Variants in ARHGAP45 observed in about 807,000 individuals in gnomAD.
ARHGAP45 encodes Rho GTPase activating protein 45.
Under a neutral mutation model 116.1 loss-of-function variants are expected in ARHGAP45, and 56 were observed. The ratio of observed to expected loss-of-function variants is 0.48; its 90% CI spans 0.39 to 0.60. ARHGAP45 has a LOEUF of 0.60. Ranked by LOEUF, ARHGAP45 falls within the 20% of genes least tolerant of loss-of-function variation. ARHGAP45 has a pLI of 0.00. For missense variants in ARHGAP45, 1,622 were observed against 1,601.0 expected, an observed-to-expected ratio of 1.01 and a Z score of -0.22; for synonymous variants, 866 against 701.7, an observed-to-expected ratio of 1.23 and a Z score of -3.70.
In ARHGAP45 at chr19:1,069,545, C is replaced by CCAGGG. The variant is rs1303906135; in HGVS notation, c.421+810_421+814dup. Among the ~76,000 whole-genome samples the CCAGGG allele has an allele frequency of 6.6e-6, 1 of 151,874 alleles. No individual in the cohort carries two copies. The highest frequency in any genetic ancestry group is 1.5e-5 in the Non-Finnish European group (1 of 68,038). ...AGGCCCTGACCCCTGGCTCACCCAG[C>CCAGGG]CAGGGCAGGGCAGAGCCAGGACTGG... On this transcript the variant is annotated intron_variant, in intron 2 of 22. Coordinates refer to ENST00000313093, the MANE Select transcript of ARHGAP45 (RefSeq NM_012292.5). The surrounding 1 kb of genome is among the most constrained non-coding windows in gnomAD (Gnocchi z 4.1).
rs868006394 is a variant in ARHGAP45, at chr19:1,077,184, G to A, written c.1186-673G>A. 8.7e-5 allele frequency: 86 copies of A among 985,222 alleles called. 1 individual carries two copies. The Middle Eastern group carries it at 5.2e-3, about 59-fold the overall frequency. The allele number at this position is 985,222 out of a possible 1,614,324, so 61.0% of individuals were successfully genotyped here. A position where few individuals can be genotyped will look rare whatever the true frequency, so the allele number is the denominator to read the frequency against. ...CTGCCTGGGCGGCTTCTCTGTTCTC[G>A]TCTGTGAGGAGGGAAGTGAAAGCAA... On this transcript the variant is annotated intron_variant, in intron 10 of 22. Transcript: ENST00000313093.
At chr19:1,077,127 C>G in intron 10 of ARHGAP45, 1 of 985,346 alleles carries the variant, frequency 1.0e-6, no homozygotes, top group Non-Finnish European at 1.2e-6. Context: ...TGACTAAGTG[C>G]TCTTCCTGCC....
In ARHGAP45 at chr19:1,068,149, AC is replaced by A. The variant is rs1182158114; in HGVS notation, c.91-259del. ...TCCCCACCCCCACCAGGAAGTGGGG[AC>A]CCCCCTCCCGCGCCTCCCCGCAGGC... is the stretch of plus-strand genomic sequence containing the variant. On this transcript the variant is annotated intron_variant, in intron 1 of 22. Coordinates refer to ENST00000313093, the MANE Select transcript of ARHGAP45 (RefSeq NM_012292.5). The surrounding 1 kb of genome is among the most constrained non-coding windows in gnomAD (Gnocchi z 7.5). 2.0e-5 allele frequency among the ~76,000 whole-genome samples: 3 copies of A among 150,422 alleles called. No individual in the cohort carries two copies. Among genetic ancestry groups the A allele is most frequent in the South Asian group, 2.1e-4 (1 of 4,720 alleles).
At position 1,077,224 on chromosome 19, in the gene ARHGAP45, G is replaced by A. The variant is rs990675247; in HGVS notation, c.1186-633G>A. On this transcript the variant is annotated intron_variant, in intron 10 of 22. Coordinates refer to ENST00000313093, the MANE Select transcript of ARHGAP45 (RefSeq NM_012292.5). The stretch of plus-strand genomic sequence containing the variant: ...AGTGAAAGCAAAAGAGCCCGGAGAC[G>A]CTCCCGTGGGGGCTGGTGTGCGTGT... 97 of 985,338 alleles carry A rather than the reference G, an allele frequency of 9.8e-5. No homozygotes were observed. The African/African-American group carries it at 1.5e-3, about 16-fold the overall frequency. 61.0% of individuals were successfully genotyped at this position (985,338 alleles called of 1,614,324 possible).
At position 1,074,236 on chromosome 19, in the gene ARHGAP45, C is replaced by T. The variant is rs1445625622; in HGVS notation, c.923C>T (p.Thr308Met). 6.2e-7 allele frequency: 1 copy of T among 1,612,932 alleles called. No homozygotes were observed. Among genetic ancestry groups the T allele is most frequent in the Non-Finnish European group, 8.5e-7 (1 of 1,179,858 alleles). Residue 308 changes from threonine (T) to methionine (M), a missense_variant, in exon 7 of 23, where the codon ACG becomes ATG. By Grantham distance (81) the Thr-to-Met change is moderately conservative. Transcript: ENST00000313093. ...DLISYLEKRT[T>M]LEMEFAKGLQ... Reference sequence around the variant, plus strand: ...ATCAGCTACCTGGAGAAGCGGACGACGCTGGGTGAGAGCTGGTGTCCCAGC... The same window carrying T: ...ATCAGCTACCTGGAGAAGCGGACGATGCTGGGTGAGAGCTGGTGTCCCAGC...
In ARHGAP45 at chr19:1,080,086, C is replaced by T. The variant is rs1416561689; in HGVS notation, c.1671C>T (p.Tyr557=). Reference sequence around the variant, plus strand: ...GGGACCAGGAGCCCGATGTGCACTACGACTTTGAGCCCCACGTCTCCGCCA... The same window carrying T: ...GGGACCAGGAGCCCGATGTGCACTATGACTTTGAGCCCCACGTCTCCGCCA... ...LQRDQEPDVH[Y]DFEPHVSANA... The change falls in exon 13 of 23, where the codon TAC becomes TAT. Residue 557 remains tyrosine, a synonymous_variant. Coordinates refer to ENST00000313093, the MANE Select transcript of ARHGAP45 (RefSeq NM_012292.5). 2.5e-6 allele frequency: 4 copies of T among 1,612,320 alleles called. No individual in the cohort carries two copies. Among genetic ancestry groups the T allele is most frequent in the African/African-American group, 2.7e-5 (2 of 74,924 alleles).
intron 11 of ARHGAP45, among the ~76,000 whole-genome samples, chr19:1,079,347 T>TA (rs760314600): frequency 1.0e-4 from 15 of 149,338 alleles, no homozygotes; most frequent in Non-Finnish European, 1.9e-4. Flanking sequence ...CTACTAAAAT[T>TA]ACAAAAAATT....
intron 18 of ARHGAP45, 40 bp from the exon 19 acceptor site, chr19:1,081,784 G>GCTCACA (rs753313857): frequency 6.3e-7 from 1 of 1,579,576 alleles, no homozygotes; most frequent in Admixed American, 1.8e-5. Context: ...GCGGGAGTGG[G>GCTCACA]CCGAGGCTGA....
intron 19 of ARHGAP45, among the ~76,000 whole-genome samples, chr19:1,082,194 A>G (rs552424765): frequency 9.7e-6 from 1 of 103,552 alleles, no homozygotes; most frequent in South Asian, 3.4e-4. Context: ...AGGCACGGAC[A>G]GGGACAGGAG....
intron 17 of ARHGAP45, 57 bp downstream of exon 17, chr19:1,081,121 A>C (rs8113708): frequency 2.0e-6 from 3 of 1,527,998 alleles, no homozygotes; most frequent in Non-Finnish European, 2.7e-6. Flanking sequence ...TGGGGTGCCC[A>C]GCACCGCCGG....
At chr19:1,078,878 A>G in intron 11 of ARHGAP45, among the ~76,000 whole-genome samples, 1 of 150,774 alleles carries the variant, frequency 6.6e-6, no homozygotes, top group African/African-American at 2.4e-5. Flanking sequence ...CGCCACACCC[A>G]GCTAATTTAA....
At position 1,080,050 on chromosome 19, in the gene ARHGAP45, C is replaced by T. The variant is rs548430172; in HGVS notation, c.1635C>T (p.Arg545=). ...GCCAGCAGTACGCCTCCCACGTGCGCCAGCTGCAGCGGGACCAGGAGCCCG... is the reference window on the plus strand; with the variant it reads ...GCCAGCAGTACGCCTCCCACGTGCGTCAGCTGCAGCGGGACCAGGAGCCCG... ...DPGQQYASHV[R]QLQRDQEPDV... The change falls in exon 13 of 23, where the codon CGC becomes CGT. Residue 545 remains arginine, a synonymous_variant. Coordinates refer to ENST00000313093, the MANE Select transcript of ARHGAP45 (RefSeq NM_012292.5). 1 of 1,612,808 alleles carries T rather than the reference C, an allele frequency of 6.2e-7. No homozygotes were observed. The highest frequency in any genetic ancestry group is 1.1e-5 in the South Asian group (1 of 91,090).
chr19:1,080,996 C>G lies in ARHGAP45; in HGVS notation c.2122C>G (p.Leu708Val). 6.2e-7 allele frequency: 1 copy of G among 1,607,876 alleles called. No individual in the cohort carries two copies. The highest frequency in any genetic ancestry group is 8.5e-7 in the Non-Finnish European group (1 of 1,178,080). Residue 708 changes from leucine (L) to valine (V), a missense_variant, in exon 17 of 23, where the codon CTC becomes GTC. Coordinates refer to ENST00000313093, the MANE Select transcript of ARHGAP45 (RefSeq NM_012292.5). ...KAARTHRLRK[L>V]RTPAKCRECN... ...GGCCCGTACTCACCGGCTCCGGAAG[C>G]TCCGCACGCCCGCCAAGTGCCGCGA...
At chr19:1,082,708 C>CT in intron 19 of ARHGAP45, 132 bp from the exon 20 acceptor site, 1 of 771,002 alleles carries the variant, frequency 1.3e-6, no homozygotes, top group Non-Finnish European at 2.0e-6. Flanking sequence ...TGACGCCGCT[C>CT]TGGGTGGAAC....
Position 1,081,757 on chromosome 19 carries a change from C to T in ARHGAP45, c.2379+19C>T, listed in dbSNP as rs776623895. ...CACCAAGGTGAGGCGGGGGAGGAAG[C>T]GGCTCACAGCGAGGAGGCGGGAGTG... On this transcript the variant is annotated intron_variant, in intron 18 of 22. Transcript: ENST00000313093. 9 of 1,553,728 alleles carry T rather than the reference C, an allele frequency of 5.8e-6. No homozygotes were observed. The highest frequency in any genetic ancestry group is 2.4e-5 in the East Asian group (1 of 42,416).
Position 1,067,472 on chromosome 19 carries a change from A to G in ARHGAP45, c.67A>G (p.Ser23Gly). 1 of 1,604,626 alleles carries G rather than the reference A, an allele frequency of 6.2e-7. No individual in the cohort carries two copies. Among genetic ancestry groups the G allele is most frequent in the Non-Finnish European group, 8.5e-7 (1 of 1,176,446 alleles). The change falls in exon 1 of 23, where the codon AGC (serine) becomes GGC (glycine). Residue 23 changes from serine (S) to glycine (G), a missense_variant. Coordinates refer to ENST00000313093, the MANE Select transcript of ARHGAP45 (RefSeq NM_012292.5). ...CATCTCGAAAAAGAACCGCGCGGGA[A>G]GCCCCAGCCCGCAGCCCTCGGGGGT... ...PSISKKNRAG[S>G]PSPQPSGELP...
intron 22 of ARHGAP45, among the ~76,000 whole-genome samples, chr19:1,084,750 G>C (rs1251122960): frequency 6.6e-6 from 1 of 152,196 alleles, no homozygotes; most frequent in African/African-American, 2.4e-5. Context: ...GCCGCATCTA[G>C]TTATGGGACA....
chr19:1,081,209 G>A, intron 17 of ARHGAP45, 145 bp downstream of exon 17: 8 of 971,638 alleles, frequency 8.2e-6, no homozygotes, highest in Non-Finnish European at 1.2e-5. Context: ...CGGAGGGGGT[G>A]GGGTGGGCTC....
At chr19:1,070,625 G>A (rs142413196) in intron 2 of ARHGAP45, among the ~76,000 whole-genome samples, 330 of 151,994 alleles carry the variant, frequency 2.2e-3, no homozygotes, top group Admixed American at 6.6e-3. Context: ...AGGATTACAG[G>A]CGTGAGCCAT....
Sources: allele counts gnomAD v4.1 joint callset (sites outside exome capture counted in the v4.1 genomes callset), GRCh38; gene constraint gnomAD v4.1.1; non-coding constraint Gnocchi (gnomAD v3.1); transcripts MANE v1.5; gene names NCBI Gene and HGNC (gene_info 2026-07-23, HGNC 2026-07-21).